The following CACNA2D3 variants were observed in gnomAD, a reference collection of about 807,000 sequenced individuals.
The protein encoded by CACNA2D3 is voltage-dependent calcium channel subunit alpha-2/delta-3.
In CACNA2D3, 60 loss-of-function variants were observed where a neutral mutation model predicts 160.6. That is an observed-to-expected ratio of 0.37 (90% CI 0.30 to 0.46). The LOEUF is 0.46. CACNA2D3 is among the 20% of genes least tolerant of loss of function. The pLI is 1.00. For synonymous variants in CACNA2D3, 558 were observed against 492.9 expected (o/e 1.13, Z -1.75); for missense variants, 1,205 against 1,365.0 (o/e 0.88, Z 1.85).
chr3:54,977,074 C>T (rs973359283), intron 29 of CACNA2D3, among the ~76,000 whole-genome samples: 1 of 151,978 alleles, frequency 6.6e-6, no homozygotes, highest in Non-Finnish European at 1.5e-5. Flanking sequence ...TCCAAAGAAA[C>T]AAATGGGGTA....
At chr3:54,955,022 C>A (rs1348102205) in intron 27 of CACNA2D3, among the ~76,000 whole-genome samples, 2 of 152,202 alleles carry the variant, frequency 1.3e-5, no homozygotes, top group Non-Finnish European at 2.9e-5. Context: ...AAAACTTCCC[C>A]TTCACCCTCT....
intron 4 of CACNA2D3, among the ~76,000 whole-genome samples, chr3:54,469,784 A>T (rs1700696435): frequency 3.3e-5 from 5 of 151,986 alleles, no homozygotes; most frequent in Admixed American, 3.3e-4. Context: ...CATGAAGCAT[A>T]CACAAGTATC....
intron 31 of CACNA2D3, among the ~76,000 whole-genome samples, chr3:54,990,578 C>T (rs748693936): frequency 3.3e-4 from 50 of 152,248 alleles, no homozygotes; most frequent in Non-Finnish European, 5.7e-4. Flanking sequence ...TGCACAAGAA[C>T]TCCACAAACC....
intron 2 of CACNA2D3, among the ~76,000 whole-genome samples, chr3:54,261,369 G>A (rs934061343): frequency 6.6e-6 from 1 of 152,102 alleles, no homozygotes; most frequent in African/African-American, 2.4e-5. Flanking sequence ...CCATGGGGAG[G>A]AACTAAATTT....
At chr3:54,717,618 T>C (rs533742938) in intron 11 of CACNA2D3, among the ~76,000 whole-genome samples, 1 of 141,218 alleles carries the variant, frequency 7.1e-6, no homozygotes, top group South Asian at 2.3e-4. Context: ...GTGGTGTGTG[T>C]AGTGTGCATG....
chr3:54,477,693 G>A (rs911847334), intron 4 of CACNA2D3, among the ~76,000 whole-genome samples: 2 of 152,028 alleles, frequency 1.3e-5, no homozygotes, highest in African/African-American at 4.8e-5. Context: ...CCCTCTCCTG[G>A]CTTGTCCTCT....
intron 2 of CACNA2D3, among the ~76,000 whole-genome samples, chr3:54,286,198 G>A (rs1455562807): frequency 2.0e-5 from 3 of 152,204 alleles, no homozygotes; most frequent in Admixed American, 2.0e-4. Context: ...TTAGAGGAAT[G>A]TATAACTAGA....
chr3:54,399,893 C>T (rs1478880838), intron 4 of CACNA2D3, among the ~76,000 whole-genome samples: 1 of 124,518 alleles, frequency 8.0e-6, no homozygotes, highest in Non-Finnish European at 1.7e-5. Flanking sequence ...GCGCCCCTCC[C>T]CCAGCCTCGT....
intron 31 of CACNA2D3, among the ~76,000 whole-genome samples, chr3:55,002,276 A>G (rs536723603): frequency 6.6e-6 from 1 of 152,192 alleles, no homozygotes; most frequent in African/African-American, 2.4e-5. Flanking sequence ...TCTCAACCCC[A>G]TGCTGCCTCT....
At chr3:54,842,747 C>T (rs927103873) in intron 16 of CACNA2D3, among the ~76,000 whole-genome samples, 7 of 151,616 alleles carry the variant, frequency 4.6e-5, no homozygotes, top group Non-Finnish European at 7.4e-5. Context: ...ATTACAGGCA[C>T]CCACCATCGT....
chr3:54,928,832 A>T (rs571153395), intron 27 of CACNA2D3, among the ~76,000 whole-genome samples: 1 of 152,088 alleles, frequency 6.6e-6, no homozygotes, highest in East Asian at 1.9e-4. Flanking sequence ...CACATATAAA[A>T]CAATAAAGCC....
At chr3:54,842,887 C>T (rs1291239881) in intron 16 of CACNA2D3, among the ~76,000 whole-genome samples, 1 of 151,968 alleles carries the variant, frequency 6.6e-6, no homozygotes, top group Non-Finnish European at 1.5e-5. Context: ...AGGCCTGAGC[C>T]ACTGCGCCCG....
At chr3:54,646,160 CTCCCTCCCTCCCTCCCTCCCTCCCTCCT>C (rs1699637797) in intron 11 of CACNA2D3, among the ~76,000 whole-genome samples, 1 of 20,402 alleles carries the variant, frequency 4.9e-5, no homozygotes, top group African/African-American at 1.6e-4. Context: ...CCCTCCCTCC[CTCCCTCCCTCCCTCCCTCCCTCCCTCCT>C]TCCTTGCTTC....
At chr3:54,916,922 C>T (rs1471134619) in intron 27 of CACNA2D3, among the ~76,000 whole-genome samples, 1 of 152,194 alleles carries the variant, frequency 6.6e-6, no homozygotes, top group Non-Finnish European at 1.5e-5. Context: ...TGTCTTAAGG[C>T]ATCTGTGGTG....
chr3:54,285,913 C>G (rs1703010425), intron 2 of CACNA2D3, among the ~76,000 whole-genome samples: 1 of 152,230 alleles, frequency 6.6e-6, no homozygotes, highest in African/African-American at 2.4e-5. Flanking sequence ...GACATCCACA[C>G]CAAAAACCCA....
chr3:54,562,994 T>C (rs1373928927), intron 6 of CACNA2D3, 63 bp downstream of exon 6: 1 of 1,486,282 alleles, frequency 6.7e-7, no homozygotes, highest in Non-Finnish European at 9.2e-7. Flanking sequence ...GTGGTATTTT[T>C]CTTTAGGGTT....
At chr3:55,053,102 C>G (rs1016377706) in intron 35 of CACNA2D3, among the ~76,000 whole-genome samples, 1 of 151,998 alleles carries the variant, frequency 6.6e-6, no homozygotes, top group African/African-American at 2.4e-5. Flanking sequence ...ATGAGTATAT[C>G]CATTACCTCT....
chr3:54,402,769 A>G (rs1699492999), intron 4 of CACNA2D3, among the ~76,000 whole-genome samples: 1 of 152,178 alleles, frequency 6.6e-6, no homozygotes, highest in African/African-American at 2.4e-5. Flanking sequence ...TGCACTTCAG[A>G]AAAAAATGGA....
intron 27 of CACNA2D3, among the ~76,000 whole-genome samples, chr3:54,931,434 T>C (rs538674553): frequency 6.6e-5 from 10 of 152,316 alleles, no homozygotes; most frequent in South Asian, 2.1e-4. Context: ...TGCATGCTAA[T>C]GCTAGGCAGT....
Sources: allele counts gnomAD v4.1 joint callset (sites outside exome capture counted in the v4.1 genomes callset), GRCh38; gene constraint gnomAD v4.1.1; transcripts MANE v1.5; gene names NCBI Gene and HGNC (gene_info 2026-07-23, HGNC 2026-07-21).